Variants in SLC35F3 observed in about 807,000 individuals in gnomAD.
SLC35F3 encodes the protein putative thiamine transporter SLC35F3.
In SLC35F3, 25 loss-of-function variants were observed where a neutral mutation model predicts 49.9. The ratio of observed to expected loss-of-function variants is 0.50; its 90% confidence interval spans 0.37 to 0.70. The LOEUF (loss-of-function observed/expected upper bound fraction) is 0.70. Ranked by LOEUF, SLC35F3 falls within the 30% of genes least tolerant of loss-of-function variation. The pLI, the probability that SLC35F3 is intolerant of heterozygous loss-of-function variation, is 0.00. For missense variants in SLC35F3, 525 were observed against 639.8 expected, an observed-to-expected ratio of 0.82 and a Z score of 1.94; for synonymous variants, 275 against 265.4, an observed-to-expected ratio of 1.04 and a Z score of -0.35.
At chr1:234,070,281 G>A (rs542178693) in intron 2 of SLC35F3, among the ~76,000 whole-genome samples, 7 of 152,226 alleles carry the variant, frequency 4.6e-5, no homozygotes, top group African/African-American at 1.4e-4. Flanking sequence ...GCTCTAGTGG[G>A]TGAATATGAT....
chr1:234,285,161 G>A, intron 3 of SLC35F3: 2 of 293,938 alleles, frequency 6.8e-6, no homozygotes, highest in South Asian at 3.1e-5. Context: ...TAGGAAAATA[G>A]GAAGGAGGTG....
intron 2 of SLC35F3, among the ~76,000 whole-genome samples, chr1:234,125,027 C>G (rs920347536): frequency 2.0e-5 from 3 of 152,168 alleles, no homozygotes; most frequent in Non-Finnish European, 4.4e-5. Context: ...GTGCCAGATT[C>G]TAGGCATTGT....
intron 2 of SLC35F3, among the ~76,000 whole-genome samples, chr1:234,105,481 A>C (rs1463686094): frequency 1.3e-5 from 2 of 152,186 alleles, no homozygotes; most frequent in Non-Finnish European, 2.9e-5. Context: ...GCTTTGTTGC[A>C]GATATCCTAT....
chr1:234,112,395 T>G (rs910927037), intron 2 of SLC35F3, among the ~76,000 whole-genome samples: 1 of 152,064 alleles, frequency 6.6e-6, no homozygotes, highest in Admixed American at 6.6e-5. Flanking sequence ...ATACTTTCCC[T>G]ATAACAATGC....
At chr1:234,193,139 A>C (rs1450399106) in intron 2 of SLC35F3, among the ~76,000 whole-genome samples, 1 of 152,198 alleles carries the variant, frequency 6.6e-6, no homozygotes, top group Non-Finnish European at 1.5e-5. Context: ...TAGCCAAAGC[A>C]AGACTAAGCA....
intron 2 of SLC35F3, among the ~76,000 whole-genome samples, chr1:233,985,473 C>G (rs1341082777): frequency 6.6e-6 from 1 of 152,150 alleles, no homozygotes; most frequent in Non-Finnish European, 1.5e-5. Flanking sequence ...ATATGGAAGA[C>G]TGATTTAAAT....
intron 2 of SLC35F3, among the ~76,000 whole-genome samples, chr1:233,921,372 T>A (rs1662055306): frequency 1.3e-5 from 2 of 152,270 alleles, no homozygotes; most frequent in South Asian, 4.1e-4. Flanking sequence ...TTACGACTGA[T>A]GAGCCTGCAC....
At chr1:234,194,781 C>T (rs482000) in intron 2 of SLC35F3, among the ~76,000 whole-genome samples, 47,496 of 151,970 alleles carry the variant, frequency 0.31, 12,194 homozygotes, top group East Asian at 0.89. Flanking sequence ...AATAGTGAAT[C>T]AGAATTCACC....
At chr1:234,086,850 C>G (rs1664968642) in intron 2 of SLC35F3, among the ~76,000 whole-genome samples, 1 of 152,152 alleles carries the variant, frequency 6.6e-6, no homozygotes, top group Non-Finnish European at 1.5e-5. Context: ...TACAGATGCC[C>G]CTAGCTGTGT....
At chr1:234,155,483 C>T (rs1010389244) in intron 2 of SLC35F3, among the ~76,000 whole-genome samples, 1 of 151,902 alleles carries the variant, frequency 6.6e-6, no homozygotes, top group Non-Finnish European at 1.5e-5. Flanking sequence ...AATCTTGGCT[C>T]ACTGCAACTT....
chr1:234,149,609 A>G (rs183913193), intron 2 of SLC35F3, among the ~76,000 whole-genome samples: 3 of 152,264 alleles, frequency 2.0e-5, no homozygotes, highest in East Asian at 3.9e-4. Context: ...CCCTAATCCT[A>G]TGAATTCCTG....
intron 2 of SLC35F3, among the ~76,000 whole-genome samples, chr1:234,078,825 A>G (rs1360806491): frequency 6.6e-6 from 1 of 152,230 alleles, no homozygotes; most frequent in Non-Finnish European, 1.5e-5. Context: ...CAGTCACTGA[A>G]CAAGGACATG....
chr1:234,036,262 C>T (rs149906345), intron 2 of SLC35F3, among the ~76,000 whole-genome samples: 13 of 152,218 alleles, frequency 8.5e-5, no homozygotes, highest in African/African-American at 2.4e-4. Context: ...GACAGGATCT[C>T]GTGATATTGC....
chr1:234,093,276 AT>A (rs1572049227), intron 2 of SLC35F3, among the ~76,000 whole-genome samples: 1 of 152,226 alleles, frequency 6.6e-6, no homozygotes, highest in East Asian at 1.9e-4. Flanking sequence ...ATCTGGCTCA[AT>A]TTTGAGCTTA....
intron 2 of SLC35F3, among the ~76,000 whole-genome samples, chr1:234,206,821 T>C (rs542197512): frequency 2.0e-5 from 3 of 152,278 alleles, no homozygotes; most frequent in Admixed American, 6.5e-5. Context: ...CTGCCCAACG[T>C]TGAGCCTCCG....
At chr1:234,064,159 C>T (rs1369246346) in intron 2 of SLC35F3, among the ~76,000 whole-genome samples, 1 of 152,096 alleles carries the variant, frequency 6.6e-6, no homozygotes, top group Non-Finnish European at 1.5e-5. Flanking sequence ...GCTTTCATAG[C>T]CCTAGATCCC....
intron 2 of SLC35F3, among the ~76,000 whole-genome samples, chr1:234,122,879 T>C (rs1665596905): frequency 6.6e-6 from 1 of 152,236 alleles, no homozygotes; most frequent in Non-Finnish European, 1.5e-5. Context: ...TGATGGGCAT[T>C]TGGGTTGGTT....
rs542024733 is a variant in SLC35F3, at chr1:234,180,713, A to G, written c.284-50704A>G. ...AGTGGATTTGAATCCCATAACGTTT[A>G]GAGGAACCTTGGAGTAAAGTGTTCC... On this transcript the variant is annotated intron_variant, in intron 2 of 7. Coordinates refer to ENST00000366618, the MANE Select transcript of SLC35F3 (RefSeq NM_173508.4). 2.0e-5 allele frequency among the ~76,000 whole-genome samples: 3 copies of G among 152,368 alleles called. No individual in the cohort carries two copies. The South Asian group carries it at 6.2e-4, about 32-fold the overall frequency.
chr1:234,278,494 G>GAAA (rs564341361), intron 3 of SLC35F3, among the ~76,000 whole-genome samples: 119 of 105,582 alleles, frequency 1.1e-3, no homozygotes, highest in African/African-American at 3.8e-3. Context: ...TGTTTCAAAA[G>GAAA]AAAAAAAAAA....
Sources: allele counts gnomAD v4.1 joint callset (sites outside exome capture counted in the v4.1 genomes callset), GRCh38; gene constraint gnomAD v4.1.1; transcripts MANE v1.5; gene names NCBI Gene and HGNC (gene_info 2026-07-23, HGNC 2026-07-21).